The following CYRIA variants were observed in gnomAD, a reference collection of about 807,000 sequenced individuals.
The protein encoded by CYRIA is CYFIP-related Rac1 interactor A.
Under a neutral mutation model 43.9 loss-of-function variants are expected in CYRIA, and 15 were observed. The observed-to-expected ratio is 0.34, with a 90% confidence interval of 0.23 to 0.53. The LOEUF is 0.53. Ranked by LOEUF, CYRIA falls within the 20% of genes least tolerant of loss-of-function variation. The probability of loss-of-function intolerance (pLI) is 0.94; values close to 1 mark genes in which losing one functional copy is unlikely to be tolerated. For synonymous variants in CYRIA, 117 were observed against 136.0 expected (o/e 0.86, Z 0.97); for missense variants, 236 against 394.2 (o/e 0.60, Z 3.40).
At chr2:16,573,049 C>A (rs1667198407) in intron 3 of CYRIA, among the ~76,000 whole-genome samples, 1 of 152,192 alleles carries the variant, frequency 6.6e-6, no homozygotes, top group Non-Finnish European at 1.5e-5. Flanking sequence ...CCCCCTGACA[C>A]ACTAAGAACC....
intron 3 of CYRIA, among the ~76,000 whole-genome samples, chr2:16,573,277 C>T (rs1572468921): frequency 6.6e-6 from 1 of 152,292 alleles, no homozygotes; most frequent in East Asian, 1.9e-4. Flanking sequence ...GACAAACATA[C>T]ATTTGCAGAA....
At chr2:16,657,931 T>C (rs751536799) in intron 1 of CYRIA, among the ~76,000 whole-genome samples, 1 of 152,204 alleles carries the variant, frequency 6.6e-6, no homozygotes, top group Non-Finnish European at 1.5e-5. Context: ...TCAGAGCTTT[T>C]TGGATTTTGG....
chr2:16,644,408 T>G (rs1669760479), intron 1 of CYRIA, among the ~76,000 whole-genome samples: 1 of 152,126 alleles, frequency 6.6e-6, no homozygotes, highest in Non-Finnish European at 1.5e-5. Flanking sequence ...CAGTGCCTAG[T>G]CATACTGGAA....
At chr2:16,578,195 C>T (rs1464221712) in intron 3 of CYRIA, among the ~76,000 whole-genome samples, 4 of 152,188 alleles carry the variant, frequency 2.6e-5, no homozygotes, top group Non-Finnish European at 4.4e-5. Context: ...CAGTGAACCA[C>T]GTATAACAAG....
At chr2:16,624,532 C>T (rs1278460712) in intron 1 of CYRIA, among the ~76,000 whole-genome samples, 2 of 152,140 alleles carry the variant, frequency 1.3e-5, no homozygotes, top group Non-Finnish European at 2.9e-5. Context: ...TTATAAAATA[C>T]CATGACCCAT....
chr2:16,634,023 C>T (rs1208313399), intron 1 of CYRIA, among the ~76,000 whole-genome samples: 4 of 152,110 alleles, frequency 2.6e-5, no homozygotes, highest in Non-Finnish European at 4.4e-5. Flanking sequence ...CCCAGGCTAA[C>T]GTTGGACCAC....
intron 1 of CYRIA, among the ~76,000 whole-genome samples, chr2:16,649,690 T>A (rs993631483): frequency 6.6e-6 from 1 of 151,496 alleles, no homozygotes; most frequent in Non-Finnish European, 1.5e-5. Flanking sequence ...CAGGACACAG[T>A]TGTACAGTAC....
chr2:16,582,634 C>G (rs904473315), intron 3 of CYRIA, among the ~76,000 whole-genome samples: 1 of 152,164 alleles, frequency 6.6e-6, no homozygotes, highest in Admixed American at 6.5e-5. Flanking sequence ...TTGTAACTAG[C>G]TTCTTTCACT....
intron 1 of CYRIA, among the ~76,000 whole-genome samples, chr2:16,636,657 T>C (rs1286053017): frequency 6.6e-6 from 1 of 152,122 alleles, no homozygotes; most frequent in Non-Finnish European, 1.5e-5. Flanking sequence ...CTGCAAGGCT[T>C]ACTCAGAACT....
intron 3 of CYRIA, among the ~76,000 whole-genome samples, chr2:16,579,367 G>T (rs988973245): frequency 6.7e-6 from 1 of 150,354 alleles, no homozygotes; most frequent in Non-Finnish European, 1.5e-5. Context: ...ACCAGAACAA[G>T]TAAATACATA....
Position 16,552,827 on chromosome 2 carries a change from A to AG in CYRIA, c.*108dup. 1.4e-6 allele frequency: 1 copy of AG among 732,690 alleles called. No individual in the cohort carries two copies. The highest frequency in any genetic ancestry group is 1.6e-5 in the South Asian group (1 of 61,838). The allele number at this position is 732,690 out of a possible 1,614,324, so 45.4% of individuals were successfully genotyped here. A position where few individuals can be genotyped will look rare whatever the true frequency, so the allele number is the denominator to read the frequency against. On this transcript the variant is annotated 3_prime_UTR_variant, in exon 12 of 12. Transcript: ENST00000381323. ...AGGTCCATATATTTCAGTGACAAGA[A>AG]GGAAACGGTTATGTAAATACACAAG...
chr2:16,647,871 A>G (rs1187347756), intron 1 of CYRIA, among the ~76,000 whole-genome samples: 1 of 152,132 alleles, frequency 6.6e-6, no homozygotes, highest in East Asian at 1.9e-4. Flanking sequence ...GTCCCTGTGA[A>G]TGGCCTTTGT....
At chr2:16,580,135 A>T (rs779454709) in intron 3 of CYRIA, among the ~76,000 whole-genome samples, 1 of 151,970 alleles carries the variant, frequency 6.6e-6, no homozygotes, top group Non-Finnish European at 1.5e-5. Flanking sequence ...TTTTGTAGAG[A>T]TGAGGTCTCG....
At chr2:16,606,007 C>T (rs902942320) in intron 2 of CYRIA, among the ~76,000 whole-genome samples, 1 of 152,066 alleles carries the variant, frequency 6.6e-6, no homozygotes, top group East Asian at 1.9e-4. Context: ...TTTCTTCAGC[C>T]TTTTCTCATT....
rs140547246 is a variant in CYRIA, at chr2:16,613,269, G to A, written c.-11+10595C>T. 1.2e-4 allele frequency among the ~76,000 whole-genome samples: 19 copies of A among 152,312 alleles called. No homozygotes were observed. In the East Asian group the frequency reaches 3.7e-3, roughly 29 times the overall value. ...ATTTACTGCCTCCACCTCTGGGCAG[G>A]AGAGCCAGCGGGTAGTGCTGTCCCA... On this transcript the variant is annotated intron_variant, in intron 2 of 11. Coordinates refer to ENST00000381323, the MANE Select transcript of CYRIA (RefSeq NM_030797.4).
chr2:16,581,379 A>T (rs546478387), intron 3 of CYRIA, among the ~76,000 whole-genome samples: 17 of 152,306 alleles, frequency 1.1e-4, no homozygotes, highest in African/African-American at 4.1e-4. Flanking sequence ...GGAAATGCAA[A>T]TTAAAAACAC....
At chr2:16,616,829 T>C (rs1041894321) in intron 2 of CYRIA, among the ~76,000 whole-genome samples, 3 of 152,230 alleles carry the variant, frequency 2.0e-5, no homozygotes, top group Non-Finnish European at 2.9e-5. Context: ...CCAGAACCCT[T>C]ACAAGGTTGG....
chr2:16,590,141 G>T (rs780300635), intron 2 of CYRIA, among the ~76,000 whole-genome samples: 1 of 152,028 alleles, frequency 6.6e-6, no homozygotes, highest in South Asian at 2.1e-4. Context: ...ATTATTCTTT[G>T]TCTTTTCTGT....
chr2:16,623,692 C>T (rs150502378), intron 2 of CYRIA, among the ~76,000 whole-genome samples, 172 bp downstream of exon 2: 119 of 152,334 alleles, frequency 7.8e-4, no homozygotes, highest in African/African-American at 2.8e-3. Context: ...TCAAAAGCCT[C>T]AAGATAGCAC....
Sources: gnomAD v4.1 joint callset for allele counts (sites outside exome capture counted in the v4.1 genomes callset) on GRCh38, gnomAD v4.1.1 for gene constraint, MANE v1.5 for transcripts, NCBI Gene and HGNC (gene_info 2026-07-23, HGNC 2026-07-21) for gene names.